The following WWTR1 variants were observed in gnomAD, a reference collection of about 807,000 sequenced individuals.
WWTR1 encodes the protein WW domain containing transcription regulator 1.
A neutral mutation model predicts 40.1 loss-of-function variants in WWTR1; 13 were observed. That is an observed-to-expected ratio of 0.32 (90% CI 0.21 to 0.52). WWTR1 has a LOEUF of 0.52. WWTR1 is among the 20% of genes least tolerant of loss of function. The probability of loss-of-function intolerance (pLI) is 0.97; values close to 1 mark genes in which losing one functional copy is unlikely to be tolerated. For missense variants in WWTR1, 436 were observed against 523.1 expected, an observed-to-expected ratio of 0.83 and a Z score of 1.63; for synonymous variants, 230 against 210.1, an observed-to-expected ratio of 1.09 and a Z score of -0.82.
At chr3:149,604,244 T>C (rs1362598110) in intron 2 of WWTR1, among the ~76,000 whole-genome samples, 1 of 152,168 alleles carries the variant, frequency 6.6e-6, no homozygotes, top group Non-Finnish European at 1.5e-5. Flanking sequence ...CTGCCAACAC[T>C]GCCAGACAAT....
intron 2 of WWTR1, among the ~76,000 whole-genome samples, chr3:149,609,304 A>G (rs1195697034): frequency 2.0e-5 from 3 of 152,134 alleles, no homozygotes; most frequent in Admixed American, 2.0e-4. Flanking sequence ...TACCTACTAA[A>G]AGGTACAGAA....
intron 2 of WWTR1, among the ~76,000 whole-genome samples, chr3:149,593,761 A>G (rs1738844303): frequency 6.6e-6 from 1 of 152,272 alleles, no homozygotes; most frequent in East Asian, 1.9e-4. Flanking sequence ...TGAAACCATT[A>G]TGTAAAACAT....
upstream of WWTR1, chr3:149,660,374 T>G (rs564659404): frequency 2.0e-5 from 3 of 152,330 alleles, no homozygotes; most frequent in South Asian, 6.2e-4. Context: ...TGGAACTGGA[T>G]GGGCAAGGAT....
At chr3:149,699,847 C>G (rs774256123) in intron 1 of WWTR1, among the ~76,000 whole-genome samples, 10 of 152,342 alleles carry the variant, frequency 6.6e-5, no homozygotes, top group Non-Finnish European at 1.2e-4. Flanking sequence ...GCCCTCCAAA[C>G]TCTTCCAACC....
chr3:149,713,296 T>C (rs1715521297), intron 5 of WWTR1, among the ~76,000 whole-genome samples: 1 of 152,170 alleles, frequency 6.6e-6, no homozygotes, highest in Non-Finnish European at 1.5e-5. Flanking sequence ...TCTATGCCAA[T>C]TCTGAAAAAA....
chr3:149,665,312 G>A (rs1043118430), intron 2 of WWTR1, among the ~76,000 whole-genome samples: 13 of 144,312 alleles, frequency 9.0e-5, no homozygotes, highest in East Asian at 4.2e-4. Flanking sequence ...TGCAAACTCC[G>A]CCTCCCGGGT....
chr3:149,580,590 G>C (rs1738100232), intron 2 of WWTR1, among the ~76,000 whole-genome samples: 1 of 152,154 alleles, frequency 6.6e-6, no homozygotes, highest in Non-Finnish European at 1.5e-5. Flanking sequence ...GATCATGTTT[G>C]TAATACTAAG....
upstream of WWTR1, among the ~76,000 whole-genome samples, chr3:149,704,217 A>T (rs1715274204): frequency 6.6e-6 from 1 of 152,216 alleles, no homozygotes; most frequent in Non-Finnish European, 1.5e-5. Flanking sequence ...CCTCTATTAA[A>T]TTAAAAATAA....
chr3:149,668,525 T>C lies in WWTR1; in HGVS notation c.-4+1263A>G, dbSNP rs916644693. 6.0e-5 allele frequency among the ~76,000 whole-genome samples: 9 copies of C among 150,742 alleles called. No homozygotes were observed. In the South Asian group the frequency reaches 1.7e-3, roughly 28 times the overall value. ...TAGGAGGTTGAGGCAGGAGAATCAC[T>C]TGGGCCTGGGAGGCAGTGGTTGCAG... is the stretch of plus-strand genomic sequence containing the variant. On this transcript the variant is annotated intron_variant, in intron 2 of 7. Coordinates refer to the WWTR1 transcript ENST00000465804.
At chr3:149,534,621 AC>A (rs1735739894) in intron 4 of WWTR1, among the ~76,000 whole-genome samples, 1 of 152,210 alleles carries the variant, frequency 6.6e-6, no homozygotes, top group Admixed American at 6.5e-5. Context: ...AAGCAAAGTT[AC>A]AAGTTCCAAT....
chr3:149,563,478 G>A lies in WWTR1; in HGVS notation c.568+9386C>T, dbSNP rs532385781. Among the ~76,000 whole-genome samples the A allele has an allele frequency of 2.6e-5, 4 of 152,200 alleles. No individual in the cohort carries two copies. In the East Asian group the frequency reaches 7.7e-4, roughly 29 times the overall value. Reference sequence around the variant, plus strand: ...TCCTCCTCATTTTTGAAGTTTACTTGGAATATTTGGGGTCAAGATGCTCTG... The same window carrying A: ...TCCTCCTCATTTTTGAAGTTTACTTAGAATATTTGGGGTCAAGATGCTCTG... On this transcript the variant is annotated intron_variant, in intron 3 of 6. Transcript: ENST00000360632.
chr3:149,631,105 G>C (rs997319494), intron 2 of WWTR1, among the ~76,000 whole-genome samples: 2 of 152,138 alleles, frequency 1.3e-5, no homozygotes, highest in Non-Finnish European at 2.9e-5. Flanking sequence ...GGCAAGAGCT[G>C]TCCCCACTCA....
intron 1 of WWTR1, among the ~76,000 whole-genome samples, chr3:149,676,050 T>C (rs1420281254): frequency 6.6e-6 from 1 of 152,146 alleles, no homozygotes; most frequent in African/African-American, 2.4e-5. Context: ...GAAACTGGTA[T>C]CTACTGGTAA....
chr3:149,628,089 A>G (rs1183937019), intron 2 of WWTR1, among the ~76,000 whole-genome samples: 22 of 128,806 alleles, frequency 1.7e-4, no homozygotes, highest in Admixed American at 1.6e-3. Context: ...AAAAAAAAAA[A>G]GCCAGGCGAG....
At chr3:149,665,271 G>C (rs1458362043) in intron 2 of WWTR1, among the ~76,000 whole-genome samples, 1 of 142,516 alleles carries the variant, frequency 7.0e-6, no homozygotes, top group African/African-American at 2.6e-5. Flanking sequence ...CTGTCACCAG[G>C]CTGGAGTGCA....
upstream of WWTR1, chr3:149,661,118 A>T (rs1216241777): frequency 6.6e-6 from 1 of 152,244 alleles, no homozygotes; most frequent in Non-Finnish European, 1.5e-5. Context: ...GACCTGAGCC[A>T]CTAAGTAAGA....
chr3:149,674,598 G>A (rs1714201877), intron 1 of WWTR1, among the ~76,000 whole-genome samples: 1 of 151,000 alleles, frequency 6.6e-6, no homozygotes, highest in Non-Finnish European at 1.5e-5. Context: ...AAAAAAAAAA[G>A]AATTTGTATG....
chr3:149,613,964 G>A (rs529695796), intron 2 of WWTR1, among the ~76,000 whole-genome samples: 1 of 152,030 alleles, frequency 6.6e-6, no homozygotes, highest in Non-Finnish European at 1.5e-5. Context: ...GAGAGAGAAA[G>A]ATGAATGGAA....
At chr3:149,694,131 C>CAAAGT (rs1559843305) in intron 1 of WWTR1, among the ~76,000 whole-genome samples, 1 of 152,196 alleles carries the variant, frequency 6.6e-6, no homozygotes. Flanking sequence ...CGGTGGCTCA[C>CAAAGT]GCCTATAATC....
Sources: gnomAD v4.1 joint callset for allele counts (sites outside exome capture counted in the v4.1 genomes callset) on GRCh38, gnomAD v4.1.1 for gene constraint, MANE v1.5 for transcripts, NCBI Gene and HGNC (gene_info 2026-07-23, HGNC 2026-07-21) for gene names.